Variants in GAB2 observed in about 807,000 individuals in gnomAD.
GAB2 encodes the protein GRB2-associated-binding protein 2.
In GAB2, 26 loss-of-function variants were observed where a neutral mutation model predicts 65.5. The ratio of observed to expected loss-of-function variants is 0.40; its 90% CI spans 0.29 to 0.55. The LOEUF (loss-of-function observed/expected upper bound fraction) is 0.55, where lower values mean the gene tolerates loss of function less well. Among genes scored for constraint, GAB2 ranks in the 20% least tolerant of loss-of-function variants. The probability of loss-of-function intolerance (pLI) is 0.53; values close to 1 mark genes in which losing one functional copy is unlikely to be tolerated. For missense variants in GAB2, 884 were observed against 875.8 expected (o/e 1.01, Z -0.12); for synonymous variants, 321 against 329.6 (o/e 0.97, Z 0.28).
At chr11:78,350,395 T>A (rs1049483842) in intron 1 of GAB2, among the ~76,000 whole-genome samples, 10 of 152,046 alleles carry the variant, frequency 6.6e-5, no homozygotes, top group African/African-American at 2.4e-4. Flanking sequence ...AGTGATCAGG[T>A]TTTTCAACTT....
At chr11:78,351,445 TA>T (rs1565169978) in intron 1 of GAB2, among the ~76,000 whole-genome samples, 1 of 152,132 alleles carries the variant, frequency 6.6e-6, no homozygotes, top group Non-Finnish European at 1.5e-5. Context: ...GGTCTTTGTT[TA>T]TAAGGTCTTT....
At chr11:78,245,567 T>G (rs1865271542) in intron 3 of GAB2, among the ~76,000 whole-genome samples, 2 of 152,202 alleles carry the variant, frequency 1.3e-5, no homozygotes, top group African/African-American at 4.8e-5. Context: ...GCCACTCACA[T>G]GGCAAGAAAT....
At chr11:78,335,825 T>C (rs1855987665) in intron 1 of GAB2, among the ~76,000 whole-genome samples, 1 of 152,176 alleles carries the variant, frequency 6.6e-6, no homozygotes, top group Admixed American at 6.5e-5. Flanking sequence ...ATTTGGGTAG[T>C]ATGGACATTT....
At chr11:78,288,559 A>G (rs1866557971) in intron 1 of GAB2, among the ~76,000 whole-genome samples, 1 of 152,244 alleles carries the variant, frequency 6.6e-6, no homozygotes, top group Admixed American at 6.5e-5. Flanking sequence ...ATGCAGGCAT[A>G]TAAAATAAAA....
chr11:78,327,143 G>A (rs12280237), intron 1 of GAB2, among the ~76,000 whole-genome samples: 2,632 of 152,306 alleles, frequency 0.017, 88 homozygotes, highest in African/African-American at 0.061. Flanking sequence ...TGGGTATACA[G>A]TGGGAACTCA....
At chr11:78,236,526 GT>G (rs1864985861) in intron 3 of GAB2, among the ~76,000 whole-genome samples, 2 of 152,220 alleles carry the variant, frequency 1.3e-5, no homozygotes, top group South Asian at 4.1e-4. Context: ...GTAAGAACAG[GT>G]ACTTTCTCCT....
rs192790415 is a variant in GAB2 at position 78,366,798 on chromosome 11, G to A, written c.75+50848C>T. On this transcript the variant is annotated intron_variant, in intron 1 of 9. Transcript: ENST00000361507. ...CGAATAGAATGTAATTGGGGATAGG[G>A]CTTGGAGAAAATATAGTGGAGAAGC... 1.6e-3 allele frequency among the ~76,000 whole-genome samples: 236 copies of A among 149,356 alleles called. 1 individual carries two copies. The highest frequency in any genetic ancestry group is 5.4e-3 in the African/African-American group (221 of 40,962).
intron 3 of GAB2, among the ~76,000 whole-genome samples, chr11:78,241,380 C>T (rs896601757): frequency 2.0e-5 from 3 of 152,114 alleles, no homozygotes; most frequent in Non-Finnish European, 4.4e-5. Context: ...GGACACTTAA[C>T]ATGAGGACAC....
chr11:78,362,151 T>G (rs993323038), intron 1 of GAB2, among the ~76,000 whole-genome samples: 1 of 151,910 alleles, frequency 6.6e-6, no homozygotes, highest in Non-Finnish European at 1.5e-5. Context: ...AATACGTATT[T>G]GTATGCGTAT....
chr11:78,366,847 T>C (rs574231328), intron 1 of GAB2, among the ~76,000 whole-genome samples: 1 of 151,522 alleles, frequency 6.6e-6, no homozygotes, highest in African/African-American at 2.4e-5. Flanking sequence ...GCTTCTCAAA[T>C]GATCCTCCAG....
At chr11:78,276,120 A>AAAAG in intron 2 of GAB2, among the ~76,000 whole-genome samples, 1 of 151,526 alleles carries the variant, frequency 6.6e-6, no homozygotes, top group Non-Finnish European at 1.5e-5. Flanking sequence ...TCAAAAAAAA[A>AAAAG]AAAAAAAAGA....
chr11:78,397,326 A>G lies in GAB2; in HGVS notation c.75+20320T>C, dbSNP rs116160575. 4.5e-3 allele frequency among the ~76,000 whole-genome samples: 684 copies of G among 152,372 alleles called. 4 individuals are homozygous for G. Among genetic ancestry groups the G allele is most frequent in the African/African-American group, 0.016 (661 of 41,594 alleles). On this transcript the variant is annotated intron_variant, in intron 1 of 9. Transcript: ENST00000361507. ...GCATATAAAGCACTAATGAACCAAT[A>G]ACTTACTGTGCTTTAGGTACCAAGG... is the stretch of plus-strand genomic sequence containing the variant.
chr11:78,256,496 G>C (rs1865599474), intron 2 of GAB2, among the ~76,000 whole-genome samples: 1 of 152,204 alleles, frequency 6.6e-6, no homozygotes, highest in Non-Finnish European at 1.5e-5. Context: ...AGGCATGGGG[G>C]AGTGAGAATA....
At chr11:78,257,899 C>G (rs1332322662) in intron 2 of GAB2, among the ~76,000 whole-genome samples, 5 of 152,024 alleles carry the variant, frequency 3.3e-5, no homozygotes, top group Non-Finnish European at 7.4e-5. Context: ...GTGGCATAGC[C>G]TAGATCTGAA....
chr11:78,237,976 A>G (rs940094779), intron 3 of GAB2, among the ~76,000 whole-genome samples: 2 of 152,294 alleles, frequency 1.3e-5, no homozygotes, highest in East Asian at 3.9e-4. Flanking sequence ...GAGCTGAACA[A>G]TGAGAACACA....
chr11:78,270,973 C>T (rs374524408), intron 2 of GAB2, among the ~76,000 whole-genome samples: 5 of 152,356 alleles, frequency 3.3e-5, no homozygotes, highest in East Asian at 3.9e-4. Context: ...AGCTGCCTTT[C>T]GGAGTCCCTG....
chr11:78,333,298 C>T (rs778491467), intron 1 of GAB2, among the ~76,000 whole-genome samples: 4 of 152,256 alleles, frequency 2.6e-5, no homozygotes, highest in African/African-American at 4.8e-5. Context: ...AAAAGTCTCG[C>T]TCTGTCACTC....
intron 2 of GAB2, among the ~76,000 whole-genome samples, chr11:78,274,199 G>T (rs1250113597): frequency 6.6e-6 from 1 of 152,104 alleles, no homozygotes; most frequent in Non-Finnish European, 1.5e-5. Flanking sequence ...ACTTGAAACT[G>T]GGAGGCCATG....
At chr11:78,258,558 G>C (rs1865654550) in intron 2 of GAB2, among the ~76,000 whole-genome samples, 1 of 151,508 alleles carries the variant, frequency 6.6e-6, no homozygotes, top group Non-Finnish European at 1.5e-5. Context: ...TTCTTAAGAA[G>C]CTTCTTAGAG....
Sources: gnomAD v4.1 joint callset for allele counts (sites outside exome capture counted in the v4.1 genomes callset) on GRCh38, gnomAD v4.1.1 for gene constraint, MANE v1.5 for transcripts, NCBI Gene and HGNC (gene_info 2026-07-23, HGNC 2026-07-21) for gene names.